The following LINGO2 variants were observed in gnomAD, a reference collection of about 807,000 sequenced individuals.
LINGO2 encodes the protein leucine rich repeat and Ig domain containing 2.
LINGO2 carries 14 observed loss-of-function variants against 30.6 expected under a neutral mutation model. The observed-to-expected ratio is 0.46, with a 90% CI of 0.30 to 0.72. LINGO2 has a LOEUF of 0.72. Among genes scored for constraint, LINGO2 ranks in the 30% least tolerant of loss-of-function variants. The pLI, the probability that LINGO2 is intolerant of heterozygous loss-of-function variation, is 0.07. For synonymous variants in LINGO2, 317 were observed against 288.5 expected (o/e 1.10, Z -1.00); for missense variants, 729 against 751.7 (o/e 0.97, Z 0.35).
intron 1 of LINGO2, among the ~76,000 whole-genome samples, chr9:28,642,298 A>T (rs2135939056): frequency 6.6e-6 from 1 of 152,264 alleles, no homozygotes; most frequent in African/African-American, 2.4e-5. Context: ...ACTGTGAGAT[A>T]ACTAATTTTT....
chr9:28,434,276 A>G (rs1823820760), intron 2 of LINGO2, among the ~76,000 whole-genome samples: 1 of 151,418 alleles, frequency 6.6e-6, no homozygotes, highest in African/African-American at 2.4e-5. Context: ...ACACCACTGA[A>G]GAACTTATCC....
intron 1 of LINGO2, among the ~76,000 whole-genome samples, chr9:28,640,478 C>T (rs1827517646): frequency 1.3e-5 from 2 of 149,678 alleles, no homozygotes; most frequent in Non-Finnish European, 1.5e-5. Flanking sequence ...TAGATTTGGT[C>T]TTTTCACACA....
chr9:28,735,294 T>C, the LINGO2 span, among the ~76,000 whole-genome samples: 1 of 152,204 alleles, frequency 6.6e-6, no homozygotes, highest in African/African-American at 2.4e-5. Context: ...CATAGCCATT[T>C]ATTTAATTTG....
At chr9:27,957,781 T>A (rs917910916) in intron 5 of LINGO2, among the ~76,000 whole-genome samples, 2 of 152,214 alleles carry the variant, frequency 1.3e-5, no homozygotes, top group African/African-American at 2.4e-5. Flanking sequence ...TTGATTAAAT[T>A]AATAAATCTA....
intron 2 of LINGO2, among the ~76,000 whole-genome samples, chr9:28,374,407 C>A (rs1821040620): frequency 6.6e-6 from 1 of 151,472 alleles, no homozygotes; most frequent in African/African-American, 2.4e-5. Flanking sequence ...AAAAATGTAA[C>A]AACATAGAAA....
intron 2 of LINGO2, among the ~76,000 whole-genome samples, chr9:28,396,629 G>A (rs1184420227): frequency 4.7e-5 from 7 of 147,590 alleles, no homozygotes; most frequent in African/African-American, 7.5e-5. Flanking sequence ...GCGTGAACCC[G>A]GGAGGCGGAG....
At chr9:27,997,020 T>C (rs775918450) in intron 5 of LINGO2, among the ~76,000 whole-genome samples, 5 of 152,236 alleles carry the variant, frequency 3.3e-5, no homozygotes, top group Non-Finnish European at 5.9e-5. Context: ...AATTCTCTTA[T>C]GTCAAATTGA....
chr9:28,229,280 C>T (rs1459767183), intron 4 of LINGO2, among the ~76,000 whole-genome samples: 1 of 151,484 alleles, frequency 6.6e-6, no homozygotes, highest in African/African-American at 2.4e-5. Context: ...AAAGAGATAA[C>T]CTTCCAAAAT....
chr9:29,170,424 T>A, the LINGO2 span, among the ~76,000 whole-genome samples: 2 of 152,076 alleles, frequency 1.3e-5, no homozygotes, highest in Non-Finnish European at 2.9e-5. Context: ...CAAAGTGGAA[T>A]AACAGACATA....
At chr9:28,436,619 G>A (rs1006612428) in intron 2 of LINGO2, among the ~76,000 whole-genome samples, 1 of 151,862 alleles carries the variant, frequency 6.6e-6, no homozygotes, top group African/African-American at 2.4e-5. Context: ...CACCACGACC[G>A]GCTAATTTTT....
intron 1 of LINGO2, among the ~76,000 whole-genome samples, chr9:28,555,503 C>G (rs936048694): frequency 6.6e-6 from 1 of 151,828 alleles, no homozygotes; most frequent in Non-Finnish European, 1.5e-5. Flanking sequence ...TGGCAATAAT[C>G]AATAGCTTAC....
intron 4 of LINGO2, among the ~76,000 whole-genome samples, chr9:28,195,892 T>C (rs1353270983): frequency 6.6e-6 from 1 of 151,804 alleles, no homozygotes; most frequent in African/African-American, 2.4e-5. Context: ...GTAAAGGTTC[T>C]ATATAAGTTA....
intron 4 of LINGO2, among the ~76,000 whole-genome samples, chr9:28,277,607 C>T (rs1823162227): frequency 6.6e-6 from 1 of 151,990 alleles, no homozygotes; most frequent in Admixed American, 6.6e-5. Flanking sequence ...AGTTTGAGAC[C>T]AGCCTGGCCA....
chr9:28,018,224 C>A (rs940103677), intron 4 of LINGO2, among the ~76,000 whole-genome samples: 1 of 152,108 alleles, frequency 6.6e-6, no homozygotes, highest in African/African-American at 2.4e-5. Flanking sequence ...CAATTAAAGA[C>A]TTAACTGTAG....
the LINGO2 span, among the ~76,000 whole-genome samples, chr9:29,023,931 C>CT: frequency 6.6e-6 from 1 of 151,850 alleles, no homozygotes; most frequent in South Asian, 2.1e-4. Flanking sequence ...CTATGAAGCA[C>CT]TTTTTTTTCC....
At chr9:28,191,984 A>G (rs1220357288) in intron 4 of LINGO2, among the ~76,000 whole-genome samples, 43 of 152,028 alleles carry the variant, frequency 2.8e-4, no homozygotes, top group Non-Finnish European at 5.9e-5. Flanking sequence ...CCAGATGTTT[A>G]TATCCGTCCT....
chr9:28,686,219 A>G, the LINGO2 span, among the ~76,000 whole-genome samples: 4 of 151,998 alleles, frequency 2.6e-5, no homozygotes, highest in Admixed American at 6.6e-5. Flanking sequence ...TCTACGTACA[A>G]TGTAAGTCTT....
In LINGO2 at chr9:28,047,739, G is replaced by A. The variant is rs557531058; in HGVS notation, c.-86-35334C>T. ...CATATTACATGCTTAGTAAATGTTA[G>A]CTGTCATTTTATTAAAAGCAATAGA... On this transcript the variant is annotated intron_variant, in intron 4 of 5. Transcript: ENST00000379992. Among the ~76,000 whole-genome samples, 3 of 150,952 alleles carry A rather than the reference G, an allele frequency of 2.0e-5. No homozygotes were observed. In the South Asian group the frequency reaches 6.4e-4, roughly 32 times the overall value.
chr9:28,476,710 C>T (rs759254282), intron 1 of LINGO2, among the ~76,000 whole-genome samples: 1 of 151,892 alleles, frequency 6.6e-6, no homozygotes, highest in Admixed American at 6.5e-5. Context: ...GAAAACAGAC[C>T]GGAAGGAGAC....
Sources: gnomAD v4.1 joint callset for allele counts (sites outside exome capture counted in the v4.1 genomes callset) on GRCh38, gnomAD v4.1.1 for gene constraint, MANE v1.5 for transcripts, NCBI Gene and HGNC (gene_info 2026-07-23, HGNC 2026-07-21) for gene names.